GRIP1: variants seen among roughly 807,000 people sequenced by gnomAD.
GRIP1 encodes glutamate receptor-interacting protein 1.
GRIP1 carries 45 observed loss-of-function variants against 129.9 expected under a neutral mutation model. The ratio of observed to expected loss-of-function variants is 0.35; its 90% confidence interval spans 0.27 to 0.44. The LOEUF is 0.44. Ranked by LOEUF, GRIP1 falls within the 20% of genes least tolerant of loss-of-function variation. The pLI, the probability that GRIP1 is intolerant of heterozygous loss-of-function variation, is 1.00. For missense variants in GRIP1, 1,196 were observed against 1,396.8 expected, an observed-to-expected ratio of 0.86 and a Z score of 2.29; for synonymous variants, 530 against 520.8, an observed-to-expected ratio of 1.02 and a Z score of -0.24.
chr12:66,479,811 A>T (rs1311472963), intron 7 of GRIP1, among the ~76,000 whole-genome samples: 1 of 151,924 alleles, frequency 6.6e-6, no homozygotes, highest in Non-Finnish European at 1.5e-5. Context: ...AGAACCAATG[A>T]CAAAAACCAC....
At chr12:66,967,948 A>T (rs2042020190) in intron 1 of GRIP1, among the ~76,000 whole-genome samples, 1 of 152,184 alleles carries the variant, frequency 6.6e-6, no homozygotes, top group Non-Finnish European at 1.5e-5. Context: ...TGTCAATTAG[A>T]TCAAGCTGAC....
At chr12:66,784,988 C>T (rs2038275608) in intron 1 of GRIP1, among the ~76,000 whole-genome samples, 1 of 152,108 alleles carries the variant, frequency 6.6e-6, no homozygotes, top group Non-Finnish European at 1.5e-5. Context: ...CTACCACTAC[C>T]TTCCGTGTTC....
At chr12:66,357,051 A>T (rs926047761) in intron 23 of GRIP1, among the ~76,000 whole-genome samples, 1 of 151,918 alleles carries the variant, frequency 6.6e-6, no homozygotes, top group Admixed American at 6.6e-5. Flanking sequence ...TAATTTTTCT[A>T]TTTTTAATAG....
chr12:66,478,461 A>T (rs868507667), intron 7 of GRIP1, among the ~76,000 whole-genome samples: 21 of 152,234 alleles, frequency 1.4e-4, no homozygotes, highest in Middle Eastern at 6.8e-3. Flanking sequence ...ATTGTGGAAG[A>T]CAGTGTGGCG....
At chr12:66,729,795 C>T (rs139617509) in intron 1 of GRIP1, among the ~76,000 whole-genome samples, 7 of 152,212 alleles carry the variant, frequency 4.6e-5, no homozygotes, top group East Asian at 1.9e-4. Context: ...AGCATGGTCT[C>T]GATCTCCTGA....
intron 2 of GRIP1, among the ~76,000 whole-genome samples, chr12:66,557,548 G>A (rs559518335): frequency 1.3e-3 from 198 of 152,216 alleles, no homozygotes; most frequent in Non-Finnish European, 2.2e-3. Context: ...TCATCCTCGA[G>A]AATAGATCAT....
chr12:66,734,042 C>T (rs1451828077), intron 1 of GRIP1, among the ~76,000 whole-genome samples: 2 of 151,978 alleles, frequency 1.3e-5, no homozygotes, highest in Admixed American at 6.6e-5. Context: ...AATGTGGGGC[C>T]CACACAGCAA....
intron 7 of GRIP1, among the ~76,000 whole-genome samples, chr12:66,509,654 G>C (rs748654707): frequency 6.6e-6 from 1 of 152,114 alleles, no homozygotes; most frequent in African/African-American, 2.4e-5. Context: ...GCAGGAACAT[G>C]GATGGAGCTG....
chr12:66,772,934 C>T (rs1210305948), intron 1 of GRIP1, among the ~76,000 whole-genome samples: 1 of 152,120 alleles, frequency 6.6e-6, no homozygotes, highest in East Asian at 1.9e-4. Context: ...AGAGAGGAAA[C>T]CTTCCCCCAA....
intron 1 of GRIP1, among the ~76,000 whole-genome samples, chr12:66,789,561 T>C (rs2038461873): frequency 7.7e-6 from 1 of 129,876 alleles, no homozygotes. Flanking sequence ...AAAACTATAA[T>C]ATACAAACTT....
chr12:66,450,617 G>C (rs1467360896), intron 11 of GRIP1, among the ~76,000 whole-genome samples: 2 of 151,564 alleles, frequency 1.3e-5, no homozygotes, highest in Non-Finnish European at 2.9e-5. Flanking sequence ...TTTATAATTA[G>C]TTATAATTTA....
intron 1 of GRIP1, among the ~76,000 whole-genome samples, chr12:66,651,148 G>T (rs370179349): frequency 3.0e-4 from 45 of 152,240 alleles, no homozygotes; most frequent in Middle Eastern, 3.4e-3. Flanking sequence ...GGTTTTAGGG[G>T]ATTCCAGCCT....
intron 7 of GRIP1, among the ~76,000 whole-genome samples, chr12:66,505,094 A>C (rs1305057896): frequency 1.3e-5 from 2 of 152,152 alleles, no homozygotes; most frequent in Non-Finnish European, 1.5e-5. Context: ...AACTCCAATG[A>C]CTATGTTATG....
intron 1 of GRIP1, among the ~76,000 whole-genome samples, chr12:66,599,796 A>G (rs2064200078): frequency 6.6e-6 from 1 of 152,102 alleles, no homozygotes; most frequent in Non-Finnish European, 1.5e-5. Flanking sequence ...AATCTAGACC[A>G]CTCTTTCATT....
chr12:66,833,580 C>T (rs574795345), intron 1 of GRIP1, among the ~76,000 whole-genome samples: 1 of 152,276 alleles, frequency 6.6e-6, no homozygotes, highest in Admixed American at 6.5e-5. Flanking sequence ...CCCTCAGCAT[C>T]CTGAGTTCAC....
intron 1 of GRIP1, among the ~76,000 whole-genome samples, chr12:66,766,130 A>G (rs1057189653): frequency 3.9e-5 from 6 of 152,204 alleles, no homozygotes; most frequent in African/African-American, 1.4e-4. Context: ...GATATAAGTG[A>G]CTGGCTGACA....
intron 2 of GRIP1, among the ~76,000 whole-genome samples, chr12:66,576,080 A>G (rs2063129290): frequency 6.6e-6 from 1 of 152,252 alleles, no homozygotes; most frequent in South Asian, 2.1e-4. Context: ...GAAGGATGCC[A>G]GAAATCTTAG....
At position 66,479,226 on chromosome 12, in the gene GRIP1, A is replaced by G. The variant is rs1490469066; in HGVS notation, c.725-13804T>C. Among the ~76,000 whole-genome samples, 9 of 152,152 alleles carry G rather than the reference A, an allele frequency of 5.9e-5. 1 individual carries two copies. In the East Asian group the frequency reaches 1.7e-3, roughly 29 times the overall value. On this transcript the variant is annotated intron_variant, in intron 7 of 24. Coordinates refer to ENST00000359742, the MANE Select transcript of GRIP1 (RefSeq NM_001366722.1). ...AATCAAATAGACACAATAAAAAATG[A>G]TAAAGGGGATATCACCACTGATCCC...
chr12:66,655,243 T>A (rs1185725248), intron 1 of GRIP1, among the ~76,000 whole-genome samples: 1 of 152,252 alleles, frequency 6.6e-6, no homozygotes, highest in Non-Finnish European at 1.5e-5. Context: ...CATTTGGATG[T>A]TCTTATACAC....
Sources: allele counts gnomAD v4.1 joint callset (sites outside exome capture counted in the v4.1 genomes callset), GRCh38; gene constraint gnomAD v4.1.1; transcripts MANE v1.5; gene names NCBI Gene and HGNC (gene_info 2026-07-23, HGNC 2026-07-21).